The following GALNT9 variants were observed in gnomAD, a reference collection of about 807,000 sequenced individuals.
The protein encoded by GALNT9 is polypeptide N-acetylgalactosaminyltransferase 9.
In GALNT9, 47 loss-of-function variants were observed where a neutral mutation model predicts 63.1. That is an observed-to-expected ratio of 0.75 (90% CI 0.59 to 0.95). The LOEUF is 0.95. Ranked by LOEUF, GALNT9 falls within the 40% of genes least tolerant of loss-of-function variation. GALNT9 has a pLI of 0.00. For synonymous variants in GALNT9, 396 were observed against 365.7 expected (o/e 1.08, Z -0.94); for missense variants, 829 against 874.8 (o/e 0.95, Z 0.66).
intron 2 of GALNT9, among the ~76,000 whole-genome samples, chr12:132,271,359 G>A (rs929987340): frequency 6.6e-6 from 1 of 152,040 alleles, no homozygotes; most frequent in African/African-American, 2.4e-5. Flanking sequence ...TGCCTCCGCC[G>A]CTCCCACCCG....
At chr12:132,264,854 G>C (rs1035064987) in intron 2 of GALNT9, among the ~76,000 whole-genome samples, 2 of 152,192 alleles carry the variant, frequency 1.3e-5, no homozygotes, top group African/African-American at 2.4e-5. Context: ...AGATGTTCCT[G>C]ACAGGGAGCA....
intron 1 of GALNT9, among the ~76,000 whole-genome samples, chr12:132,317,772 C>T (rs1555245831): frequency 1.3e-5 from 2 of 152,164 alleles, no homozygotes; most frequent in African/African-American, 4.8e-5. Context: ...TTGTCCCTTC[C>T]AACCAGGGCA....
At chr12:132,244,252 G>C (rs1459799304) in intron 6 of GALNT9, among the ~76,000 whole-genome samples, 1 of 89,470 alleles carries the variant, frequency 1.1e-5, no homozygotes, top group Non-Finnish European at 2.2e-5. Context: ...GCAGGGCTGG[G>C]GCTAGACGGG....
chr12:132,201,318 C>T, intron 7 of GALNT9, 57 bp from the exon 8 acceptor site: 1 of 1,279,912 alleles, frequency 7.8e-7, no homozygotes, highest in East Asian at 2.3e-5. Context: ...CCTGGGTCTT[C>T]CCCATAATGA....
chr12:132,208,475 C>T (rs1001658376), intron 6 of GALNT9, among the ~76,000 whole-genome samples: 2 of 152,244 alleles, frequency 1.3e-5, no homozygotes, highest in Admixed American at 6.5e-5. Context: ...TTTGCTTGGA[C>T]CAACAGAAAG....
Position 132,310,860 on chromosome 12 carries a change from G to A in GALNT9, c.238+18106C>T, listed in dbSNP as rs926906561. On this transcript the variant is annotated intron_variant, in intron 1 of 10. Transcript: ENST00000328957. This position sits in a 1 kb window ranked among gnomAD's most constrained non-coding sequence, Gnocchi z 4.8. Reference sequence around the variant, plus strand: ...GGTGATCCCCAAACAGCCCAAACCCGGCTGTCCTGTTTTGGAGCCTCCGCC... The same window carrying A: ...GGTGATCCCCAAACAGCCCAAACCCAGCTGTCCTGTTTTGGAGCCTCCGCC... 9.2e-5 allele frequency among the ~76,000 whole-genome samples: 14 copies of A among 152,128 alleles called. No individual in the cohort carries two copies. The highest frequency in any genetic ancestry group is 2.9e-4 in the African/African-American group (12 of 41,426).
At chr12:132,309,213 G>T (rs575263368) in intron 1 of GALNT9, among the ~76,000 whole-genome samples, 1 of 152,190 alleles carries the variant, frequency 6.6e-6, no homozygotes, top group Non-Finnish European at 1.5e-5. Flanking sequence ...CCACTTCCTC[G>T]GGAGGATCCA....
intron 2 of GALNT9, among the ~76,000 whole-genome samples, chr12:132,268,070 C>T (rs1555240401): frequency 6.6e-6 from 1 of 151,170 alleles, no homozygotes; most frequent in Admixed American, 6.6e-5. Flanking sequence ...CACACGCACT[C>T]ACGCAGTCAC....
chr12:132,211,958 T>A (rs1876971624), intron 6 of GALNT9, among the ~76,000 whole-genome samples: 1 of 152,222 alleles, frequency 6.6e-6, no homozygotes, highest in African/African-American at 2.4e-5. Flanking sequence ...TCAGTGGATG[T>A]GAGGTGCTGC....
At chr12:132,261,601 G>T (rs782298766) in intron 3 of GALNT9, among the ~76,000 whole-genome samples, 1 of 152,190 alleles carries the variant, frequency 6.6e-6, no homozygotes, top group Non-Finnish European at 1.5e-5. Context: ...GGGCAGCCAC[G>T]CCATTCAGTC....
At chr12:132,281,679 T>C (rs1362464300) in intron 2 of GALNT9, among the ~76,000 whole-genome samples, 8 of 152,218 alleles carry the variant, frequency 5.3e-5, no homozygotes, top group African/African-American at 1.2e-4. Context: ...CCAGACTTTA[T>C]CTTGGCAGAC....
Position 132,286,287 on chromosome 12 carries a change from AGATGC to A in GALNT9, c.377_381del (p.Arg126LeufsTer35). The A allele has an allele frequency of 6.4e-7, 1 of 1,551,122 alleles. No homozygotes were observed. Among genetic ancestry groups the A allele is most frequent in the Non-Finnish European group, 8.7e-7 (1 of 1,146,846 alleles). ...TAGTCGGGGATGCTCCGATCGAGGGAGATGCGGTCGCTGAGCTGAGCGTTGTAGCC... is the reference window on the plus strand; with the variant it reads ...TAGTCGGGGATGCTCCGATCGAGGGAGGTCGCTGAGCTGAGCGTTGTAGCC... On this transcript the variant is annotated frameshift_variant, in exon 2 of 11. Transcript: ENST00000328957. LOFTEE classifies it high-confidence loss of function. The surrounding 1 kb of genome is among the most constrained non-coding windows in gnomAD (Gnocchi z 7.4).
At chr12:132,213,544 G>T (rs1018697683) in intron 6 of GALNT9, among the ~76,000 whole-genome samples, 1 of 150,504 alleles carries the variant, frequency 6.6e-6, no homozygotes, top group African/African-American at 2.4e-5. Flanking sequence ...CCCACATACA[G>T]GCGCACTCAC....
chr12:132,197,332 G>C, intron 10 of GALNT9, 79 bp from the exon 11 acceptor site: 4 of 1,566,094 alleles, frequency 2.6e-6, no homozygotes, highest in Non-Finnish European at 3.4e-6. Flanking sequence ...AGGCTGCTTC[G>C]TGCTCTCAGC....
intron 7 of GALNT9, 151 bp from the exon 8 acceptor site, chr12:132,201,412 G>GCC (rs1593462114): frequency 4.1e-6 from 2 of 491,158 alleles, no homozygotes; most frequent in East Asian, 3.1e-5. Context: ...ATCCAGTTGG[G>GCC]ACCCCCCAGC....
chr12:132,315,721 C>T lies in GALNT9; in HGVS notation c.238+13245G>A, dbSNP rs1868480375. ...CCAGGCTGCGCATCCACACTCAGCC[C>T]TGGTGTCCTTGCGGGAACACAGGGT... On this transcript the variant is annotated intron_variant, in intron 1 of 10. Coordinates refer to ENST00000328957, the MANE Select transcript of GALNT9 (RefSeq NM_001122636.2). The surrounding 1 kb of genome is among the most constrained non-coding windows in gnomAD (Gnocchi z 6.1). 6.6e-6 allele frequency among the ~76,000 whole-genome samples: 1 copy of T among 152,190 alleles called. No individual in the cohort carries two copies. The highest frequency in any genetic ancestry group is 2.1e-4 in the South Asian group (1 of 4,830).
At chr12:132,291,708 G>A (rs528699873) in intron 1 of GALNT9, among the ~76,000 whole-genome samples, 17 of 139,246 alleles carry the variant, frequency 1.2e-4, no homozygotes, top group Non-Finnish European at 2.6e-4. Context: ...CATCCATGGC[G>A]CACACATCCA....
Position 132,310,826 on chromosome 12 carries a change from C to T in GALNT9, c.238+18140G>A, listed in dbSNP as rs1028266816. ...AAAGAGGAACTAGGTGTGGCTGTGG[C>T]CTGAGGGAGGTGATCCCCAAACAGC... On this transcript the variant is annotated intron_variant, in intron 1 of 10. Transcript: ENST00000328957. This position sits in a 1 kb window ranked among gnomAD's most constrained non-coding sequence, Gnocchi z 4.8. 5.3e-5 allele frequency among the ~76,000 whole-genome samples: 8 copies of T among 152,280 alleles called. No individual in the cohort carries two copies. The highest frequency in any genetic ancestry group is 5.2e-4 in the Admixed American group (8 of 15,290).
In GALNT9 at chr12:132,202,974, G is replaced by C. The variant is rs180860746; in HGVS notation, c.1263+531C>G. Reference sequence around the variant, plus strand: ...ACCAAAAACGTCCATCCACGGACGAGTGGATCCACACGAGGGGCCCTTTCA... The same window carrying C: ...ACCAAAAACGTCCATCCACGGACGACTGGATCCACACGAGGGGCCCTTTCA... On this transcript the variant is annotated intron_variant, in intron 7 of 10. Coordinates refer to ENST00000328957, the MANE Select transcript of GALNT9 (RefSeq NM_001122636.2). Among the ~76,000 whole-genome samples the C allele has an allele frequency of 2.3e-3, 346 of 152,298 alleles. No homozygotes were observed. In the Middle Eastern group the frequency reaches 0.031, roughly 13 times the overall value.
Sources: gnomAD v4.1 joint callset for allele counts (sites outside exome capture counted in the v4.1 genomes callset) on GRCh38, gnomAD v4.1.1 for gene constraint, Gnocchi (gnomAD v3.1) non-coding constraint, MANE v1.5 for transcripts, NCBI Gene and HGNC (gene_info 2026-07-23, HGNC 2026-07-21) for gene names.